The following RASEF variants were observed in gnomAD, a reference collection of about 807,000 sequenced individuals.
RASEF encodes the protein ras and EF-hand domain-containing protein.
A neutral mutation model predicts 90.1 loss-of-function variants in RASEF; 68 were observed. The ratio of observed to expected loss-of-function variants is 0.75; its 90% confidence interval spans 0.62 to 0.92. The LOEUF is 0.92. RASEF is among the 40% of genes least tolerant of loss of function. The pLI is 0.00. For synonymous variants in RASEF, 331 were observed against 345.2 expected, an observed-to-expected ratio of 0.96 and a Z score of 0.46; for missense variants, 949 against 937.2, an observed-to-expected ratio of 1.01 and a Z score of -0.16.
the RASEF span, among the ~76,000 whole-genome samples, chr9:83,198,521 T>G: frequency 1.3e-5 from 2 of 152,152 alleles, no homozygotes; most frequent in African/African-American, 4.8e-5. Context: ...CCCATTTTGT[T>G]AACTCACTGG....
the RASEF span, among the ~76,000 whole-genome samples, chr9:83,113,077 A>G: frequency 3.3e-5 from 5 of 152,216 alleles, no homozygotes; most frequent in Non-Finnish European, 7.3e-5. Flanking sequence ...TGATATCATA[A>G]CCTGTGTTGC....
the RASEF span, among the ~76,000 whole-genome samples, chr9:83,068,803 T>A: frequency 3.7e-3 from 566 of 152,292 alleles, 2 homozygotes; most frequent in Non-Finnish European, 6.2e-3. Context: ...TTTGTTTTCT[T>A]AAAGAAGAAA....
At chr9:83,200,553 C>T in the RASEF span, among the ~76,000 whole-genome samples, 35 of 152,276 alleles carry the variant, frequency 2.3e-4, no homozygotes, top group Admixed American at 3.9e-4. Context: ...CGAGACACTC[C>T]GGCCACTGTA....
chr9:83,027,331 G>A (rs2118582274), intron 1 of RASEF, among the ~76,000 whole-genome samples: 1 of 152,276 alleles, frequency 6.6e-6, no homozygotes, highest in South Asian at 2.1e-4. Context: ...CCTCCCCAGA[G>A]GTCAGGGATG....
intron 7 of RASEF, among the ~76,000 whole-genome samples, chr9:83,007,175 A>G (rs746046115): frequency 6.6e-6 from 1 of 152,002 alleles, no homozygotes; most frequent in Non-Finnish European, 1.5e-5. Context: ...GAGGCATAAT[A>G]AAGACACACT....
chr9:83,118,383 T>C, the RASEF span, among the ~76,000 whole-genome samples: 1 of 152,192 alleles, frequency 6.6e-6, no homozygotes, highest in Non-Finnish European at 1.5e-5. Context: ...AAAGAGGGAT[T>C]TTGTTTTGGT....
the RASEF span, among the ~76,000 whole-genome samples, chr9:83,083,143 C>T: frequency 1.3e-4 from 20 of 152,138 alleles, no homozygotes; most frequent in Admixed American, 6.5e-4. Flanking sequence ...TTTTCTAGAA[C>T]GTCAGTTGGT....
the RASEF span, among the ~76,000 whole-genome samples, chr9:83,185,093 A>C: frequency 1.3e-5 from 2 of 152,154 alleles, no homozygotes; most frequent in Non-Finnish European, 2.9e-5. Flanking sequence ...TGCTTTCTAC[A>C]AAGCCTGAAT....
chr9:83,057,302 T>C (rs1326863891), intron 1 of RASEF, among the ~76,000 whole-genome samples: 2 of 152,174 alleles, frequency 1.3e-5, no homozygotes, highest in African/African-American at 4.8e-5. Context: ...AAGACTCCTA[T>C]AAAAGACTCC....
chr9:83,042,232 C>G (rs1472651505), intron 1 of RASEF, among the ~76,000 whole-genome samples: 2 of 152,056 alleles, frequency 1.3e-5, no homozygotes, highest in Non-Finnish European at 2.9e-5. Context: ...GCTTTAAATG[C>G]AAGAACTATA....
At chr9:83,044,508 T>TA (rs200835047) in intron 1 of RASEF, among the ~76,000 whole-genome samples, 16 of 148,332 alleles carry the variant, frequency 1.1e-4, no homozygotes, top group South Asian at 4.2e-4. Flanking sequence ...TCTTGGGAAA[T>TA]AAAAAAAAAA....
At chr9:83,000,822 A>T in intron 10 of RASEF, 74 bp downstream of exon 10, 1 of 1,290,368 alleles carries the variant, frequency 7.7e-7, no homozygotes, top group African/African-American at 1.5e-5. Context: ...TTTCCATGAC[A>T]GATAGAAGGC....
chr9:83,059,056 C>A (rs1304451000), intron 1 of RASEF, among the ~76,000 whole-genome samples: 24 of 152,088 alleles, frequency 1.6e-4, no homozygotes, highest in African/African-American at 5.6e-4. Flanking sequence ...CACTCACAGA[C>A]CCTCAGTGGT....
intron 8 of RASEF, 29 bp from the exon 9 acceptor site, chr9:83,004,615 T>G: frequency 7.4e-7 from 1 of 1,358,946 alleles, no homozygotes; most frequent in South Asian, 1.2e-5. Flanking sequence ...CATTTGTTAG[T>G]TCATGTAATT....
At chr9:83,090,911 T>G in the RASEF span, among the ~76,000 whole-genome samples, 1 of 152,108 alleles carries the variant, frequency 6.6e-6, no homozygotes, top group Admixed American at 6.5e-5. Flanking sequence ...TTCCAGAGAA[T>G]AATAATAAAG....
chr9:83,147,022 G>C, the RASEF span, among the ~76,000 whole-genome samples: 1 of 110,756 alleles, frequency 9.0e-6, no homozygotes, highest in East Asian at 3.0e-4. Flanking sequence ...GTGTGTGTGT[G>C]TGTGTGTATA....
chr9:83,055,748 T>C, intron 1 of RASEF: 1 of 686,098 alleles, frequency 1.5e-6, no homozygotes, highest in Non-Finnish European at 2.7e-6. Context: ...CATCAATTTA[T>C]TTTACATTAT....
intron 3 of RASEF, among the ~76,000 whole-genome samples, chr9:83,018,779 G>A (rs941904294): frequency 2.6e-5 from 4 of 151,956 alleles, no homozygotes; most frequent in African/African-American, 9.7e-5. Context: ...TAAACCAATA[G>A]GTATCAAGAC....
the RASEF span, among the ~76,000 whole-genome samples, chr9:83,155,177 G>T: frequency 0.015 from 2,336 of 152,280 alleles, 32 homozygotes; most frequent in South Asian, 0.048. Flanking sequence ...TTTTGGAGCC[G>T]TTCAATTCCC....
Sources: gnomAD v4.1 joint callset for allele counts (sites outside exome capture counted in the v4.1 genomes callset) on GRCh38, gnomAD v4.1.1 for gene constraint, MANE v1.5 for transcripts, NCBI Gene and HGNC (gene_info 2026-07-23, HGNC 2026-07-21) for gene names.